Variants in LARGE1 observed in about 807,000 individuals in gnomAD.
LARGE1 encodes the protein xylosyl- and glucuronyltransferase LARGE1.
Under a neutral mutation model 87.6 loss-of-function variants are expected in LARGE1, and 43 were observed. The observed-to-expected ratio is 0.49, with a 90% CI of 0.38 to 0.63. The LOEUF (loss-of-function observed/expected upper bound fraction) is 0.63, where lower values mean the gene tolerates loss of function less well. Ranked by LOEUF, LARGE1 falls within the 30% of genes least tolerant of loss-of-function variation. The pLI is 0.00. For synonymous variants in LARGE1, 434 were observed against 394.6 expected (o/e 1.10, Z -1.18); for missense variants, 802 against 1,000.2 (o/e 0.80, Z 2.67).
intron 6 of LARGE1, among the ~76,000 whole-genome samples, chr22:33,500,631 T>C (rs1302399659): frequency 2.0e-5 from 3 of 152,160 alleles, no homozygotes; most frequent in Admixed American, 2.0e-4. Context: ...TGGTGACTCT[T>C]TGACTTCAGG....
chr22:33,147,768 C>T, the LARGE1 span, among the ~76,000 whole-genome samples: 1 of 152,094 alleles, frequency 6.6e-6, no homozygotes, highest in African/African-American at 2.4e-5. Flanking sequence ...GAAATTCCTT[C>T]ACATTTATAA....
chr22:33,540,270 G>T (rs1418219252), intron 6 of LARGE1, among the ~76,000 whole-genome samples: 4 of 152,184 alleles, frequency 2.6e-5, no homozygotes, highest in African/African-American at 9.7e-5. Flanking sequence ...CTGTGACTGG[G>T]GCGCCAAGAG....
intron 11 of LARGE1, among the ~76,000 whole-genome samples, chr22:33,195,095 T>C (rs184941973): frequency 1.1e-4 from 16 of 152,210 alleles, no homozygotes; most frequent in African/African-American, 3.1e-4. Flanking sequence ...GTGTAGTATA[T>C]GTGCCTGTAT....
the LARGE1 span, among the ~76,000 whole-genome samples, chr22:33,099,691 A>C: frequency 6.6e-6 from 1 of 152,230 alleles, no homozygotes; most frequent in African/African-American, 2.4e-5. Flanking sequence ...GACAGCTTGA[A>C]GTTGGCATTA....
chr22:33,848,827 T>A (rs896178890), intron 1 of LARGE1, among the ~76,000 whole-genome samples: 2 of 152,186 alleles, frequency 1.3e-5, no homozygotes, highest in African/African-American at 4.8e-5. Context: ...CAAATCACTT[T>A]CCCGAGATGC....
At chr22:33,906,583 C>T (rs922651119) in intron 1 of LARGE1, among the ~76,000 whole-genome samples, 4 of 152,214 alleles carry the variant, frequency 2.6e-5, no homozygotes, top group Non-Finnish European at 5.9e-5. Context: ...TTCTTACAAA[C>T]TGCTAAGGAA....
chr22:33,206,084 A>G (rs931636624), intron 11 of LARGE1, among the ~76,000 whole-genome samples: 1 of 150,890 alleles, frequency 6.6e-6, no homozygotes, highest in Non-Finnish European at 1.5e-5. Context: ...CCTCCAGAGT[A>G]GCTGGGACTA....
chr22:33,654,419 C>T lies in LARGE1; in HGVS notation c.107-3751G>A, dbSNP rs16992723. ...GAGTCCCCTCTCAGCTCTAACTCTC[C>T]GTAGCTGTGTGGTCCAGATGATCCC... On this transcript the variant is annotated intron_variant, in intron 2 of 14. Coordinates refer to ENST00000397394, the MANE Select transcript of LARGE1 (RefSeq NM_133642.5). Among the ~76,000 whole-genome samples, 341 of 152,334 alleles carry T rather than the reference C, an allele frequency of 2.2e-3. 1 individual carries two copies. The highest frequency in any genetic ancestry group is 7.8e-3 in the African/African-American group (326 of 41,584).
intron 1 of LARGE1, among the ~76,000 whole-genome samples, chr22:33,837,872 C>T (rs1473919264): frequency 6.6e-6 from 1 of 152,178 alleles, no homozygotes; most frequent in East Asian, 1.9e-4. Flanking sequence ...CACAAAGTTT[C>T]AGGGTGGGAA....
chr22:33,188,327 C>T (rs1602064906), intron 11 of LARGE1, among the ~76,000 whole-genome samples: 2 of 152,078 alleles, frequency 1.3e-5, no homozygotes, highest in East Asian at 3.9e-4. Flanking sequence ...TTGCTGAGGC[C>T]CAATCTGCTC....
chr22:33,284,968 A>G (rs535310163), intron 12 of LARGE1, among the ~76,000 whole-genome samples: 2 of 152,302 alleles, frequency 1.3e-5, no homozygotes, highest in Non-Finnish European at 2.9e-5. Flanking sequence ...TTAGCTCCTC[A>G]CTACCTTTGG....
At chr22:33,884,857 C>T (rs189625134) in intron 1 of LARGE1, among the ~76,000 whole-genome samples, 1 of 152,286 alleles carries the variant, frequency 6.6e-6, no homozygotes, top group East Asian at 1.9e-4. Context: ...CTCTCTGCAG[C>T]TTCTGAGATG....
At chr22:33,827,884 T>C (rs2283950) in intron 1 of LARGE1, among the ~76,000 whole-genome samples, 25,965 of 152,188 alleles carry the variant, frequency 0.17, 2,799 homozygotes, top group Admixed American at 0.33. Context: ...TGGGATTGGA[T>C]AATTTGGATT....
intron 13 of LARGE1, among the ~76,000 whole-genome samples, chr22:33,282,381 A>G (rs1172436542): frequency 6.6e-6 from 1 of 151,968 alleles, no homozygotes; most frequent in Non-Finnish European, 1.5e-5. Context: ...ACAAACAAAC[A>G]CAAGCAAACA....
intron 11 of LARGE1, among the ~76,000 whole-genome samples, chr22:33,203,463 C>T (rs747580180): frequency 6.6e-6 from 1 of 152,118 alleles, no homozygotes; most frequent in Non-Finnish European, 1.5e-5. Flanking sequence ...TCCTCTGGCT[C>T]CTCAACTTCA....
chr22:33,507,906 A>C (rs1336834223), intron 6 of LARGE1, among the ~76,000 whole-genome samples: 1 of 152,178 alleles, frequency 6.6e-6, no homozygotes, highest in Non-Finnish European at 1.5e-5. Flanking sequence ...AGCATCTTTT[A>C]ACAGCAATCA....
intron 7 of LARGE1, among the ~76,000 whole-genome samples, chr22:33,424,096 C>A (rs1405169447): frequency 6.6e-6 from 1 of 152,142 alleles, no homozygotes. Flanking sequence ...AAGTAACCAT[C>A]GGAATCAAGT....
chr22:33,490,454 A>C (rs1280928759), intron 6 of LARGE1, among the ~76,000 whole-genome samples: 1 of 152,252 alleles, frequency 6.6e-6, no homozygotes, highest in Admixed American at 6.5e-5. Flanking sequence ...GCCCAGTGCC[A>C]AGAACATGAA....
At chr22:33,786,468 T>C (rs2085644080) in intron 1 of LARGE1, among the ~76,000 whole-genome samples, 1 of 152,150 alleles carries the variant, frequency 6.6e-6, no homozygotes, top group African/African-American at 2.4e-5. Flanking sequence ...TGGGAAAGGG[T>C]GGACTCTTCT....
Sources: gnomAD v4.1 joint callset for allele counts (sites outside exome capture counted in the v4.1 genomes callset) on GRCh38, gnomAD v4.1.1 for gene constraint, MANE v1.5 for transcripts, NCBI Gene and HGNC (gene_info 2026-07-23, HGNC 2026-07-21) for gene names.